Variants in PIK3CA observed in about 807,000 individuals in gnomAD.
PIK3CA encodes the protein phosphatidylinositol-4,5-bisphosphate 3-kinase catalytic subunit alpha.
A neutral mutation model predicts 138.2 loss-of-function variants in PIK3CA; 27 were observed. That is an observed-to-expected ratio of 0.20 (90% CI 0.14 to 0.27). The LOEUF is 0.27. PIK3CA is among the 10% of genes least tolerant of loss of function. PIK3CA has a pLI of 1.00. For missense variants in PIK3CA, 544 were observed against 1,277.4 expected, an observed-to-expected ratio of 0.43 and a Z score of 8.75; for synonymous variants, 358 against 413.2, an observed-to-expected ratio of 0.87 and a Z score of 1.62.
intron 1 of PIK3CA, among the ~76,000 whole-genome samples, chr3:179,166,225 C>G (rs1279871867): frequency 4.6e-5 from 7 of 152,136 alleles, no homozygotes; most frequent in African/African-American, 1.7e-4. Flanking sequence ...TTTAATTACC[C>G]AGCTTGTAAG....
At chr3:179,223,929 G>A in intron 14 of PIK3CA, 152 bp from the exon 15 acceptor site, 1 of 464,980 alleles carries the variant, frequency 2.2e-6, no homozygotes, top group Admixed American at 3.3e-5. Flanking sequence ...GCTCTGTGTT[G>A]TAGAAACCCT....
intron 9 of PIK3CA, among the ~76,000 whole-genome samples, chr3:179,213,113 A>G (rs1340811125): frequency 6.6e-6 from 1 of 152,150 alleles, no homozygotes; most frequent in Non-Finnish European, 1.5e-5. Flanking sequence ...ATTTGTGGGG[A>G]AAAGGCAAAT....
chr3:179,218,065 C>G (rs1409292538), intron 9 of PIK3CA, 145 bp from the exon 10 acceptor site: 1 of 696,818 alleles, frequency 1.4e-6, no homozygotes, highest in African/African-American at 1.9e-5. Context: ...TAAAGTCTTG[C>G]AATGAAAATA....
In PIK3CA at chr3:179,230,981, C is replaced by T. The variant is rs1054096387; in HGVS notation, c.2936+605C>T. On this transcript the variant is annotated intron_variant, in intron 20 of 20. Transcript: ENST00000263967. This position sits in a 1 kb window ranked among gnomAD's most constrained non-coding sequence, Gnocchi z 5.4. ...TTTTATCCCTCACTGTTCTTCCCAC[C>T]GTCTCCCATCTGAGTCTCTGTAGTC... 4.6e-5 allele frequency among the ~76,000 whole-genome samples: 7 copies of T among 152,130 alleles called. 1 individual carries two copies. The highest frequency in any genetic ancestry group is 6.8e-3 in the Middle Eastern group (2 of 294).
chr3:179,191,153 A>G (rs889975350), intron 1 of PIK3CA, among the ~76,000 whole-genome samples: 4 of 152,234 alleles, frequency 2.6e-5, no homozygotes, highest in Non-Finnish European at 4.4e-5. Flanking sequence ...AGGAGAGAAG[A>G]TGAAGAGACA....
chr3:179,149,557 C>T (rs1428791734), intron 1 of PIK3CA: 2 of 152,178 alleles, frequency 1.3e-5, no homozygotes, highest in African/African-American at 2.4e-5. Context: ...TTCTAGAAAA[C>T]AGTCTGCATA....
rs1452535158 is a variant in PIK3CA, at chr3:179,239,662, G to A, written c.*5298G>A. On this transcript the variant is annotated 3_prime_UTR_variant, in exon 21 of 21. Coordinates refer to ENST00000263967, the MANE Select transcript of PIK3CA (RefSeq NM_006218.4). ...GGAGCATAACATTTTAATACCTTGGGGAATGTGGCACTACCAAAAGAAGAC... is the reference window on the plus strand; with the variant it reads ...GGAGCATAACATTTTAATACCTTGGAGAATGTGGCACTACCAAAAGAAGAC... 10 of 277,386 alleles carry A rather than the reference G, an allele frequency of 3.6e-5. No individual in the cohort carries two copies. Among genetic ancestry groups the A allele is most frequent in the Non-Finnish European group, 6.7e-5 (10 of 148,512 alleles). 17.2% of individuals were successfully genotyped at this position (277,386 alleles called of 1,614,324 possible).
intron 16 of PIK3CA, among the ~76,000 whole-genome samples, 170 bp from the exon 17 acceptor site, chr3:179,225,792 A>G (rs2108419164): frequency 6.6e-6 from 1 of 152,274 alleles, no homozygotes; most frequent in East Asian, 1.9e-4. Context: ...GTGGACATAT[A>G]CACTCATTTA....
intron 1 of PIK3CA, among the ~76,000 whole-genome samples, chr3:179,195,161 G>A (rs750595854): frequency 2.6e-5 from 4 of 151,714 alleles, no homozygotes; most frequent in Admixed American, 1.3e-4. Context: ...GAGCCACTCA[G>A]TACTCTTCCA....
At chr3:179,201,257 A>T (rs1400854192) in intron 3 of PIK3CA, 33 bp from the exon 4 acceptor site, 1 of 1,564,832 alleles carries the variant, frequency 6.4e-7, no homozygotes, top group East Asian at 2.3e-5. Context: ...TGAAAGAGAG[A>T]TGGTGATTGC....
intron 1 of PIK3CA, among the ~76,000 whole-genome samples, chr3:179,196,042 G>A (rs1012474390): frequency 6.6e-6 from 1 of 152,144 alleles, no homozygotes; most frequent in Non-Finnish European, 1.5e-5. Context: ...TGAAAAGGGT[G>A]TGTCTTGAGT....
intron 1 of PIK3CA, among the ~76,000 whole-genome samples, chr3:179,163,394 C>G (rs1238732650): frequency 6.6e-6 from 1 of 151,972 alleles, no homozygotes; most frequent in South Asian, 2.1e-4. Context: ...GCAATGTGCC[C>G]CCTCTAGTCC....
chr3:179,214,401 T>A (rs1015649910), intron 9 of PIK3CA, among the ~76,000 whole-genome samples: 2 of 152,120 alleles, frequency 1.3e-5, no homozygotes, highest in Non-Finnish European at 2.9e-5. Context: ...TAGGGAGTCC[T>A]GAGAGGAGGA....
intron 1 of PIK3CA, among the ~76,000 whole-genome samples, chr3:179,172,768 T>A (rs1723591683): frequency 6.6e-6 from 1 of 152,176 alleles, no homozygotes; most frequent in South Asian, 2.1e-4. Flanking sequence ...GTACACTATG[T>A]TCAGTGCAGT....
intron 1 of PIK3CA, among the ~76,000 whole-genome samples, chr3:179,155,586 A>G (rs1351048883): frequency 6.6e-6 from 1 of 152,284 alleles, no homozygotes; most frequent in South Asian, 2.1e-4. Flanking sequence ...TTTACATAAC[A>G]TTTACATTGT....
chr3:179,173,962 A>AGAG (rs1484618081), intron 1 of PIK3CA, among the ~76,000 whole-genome samples: 1 of 151,678 alleles, frequency 6.6e-6, no homozygotes, highest in East Asian at 2.0e-4. Context: ...TCCTGACCTC[A>AGAG]GGTGATCCAC....
intron 1 of PIK3CA, among the ~76,000 whole-genome samples, chr3:179,157,728 C>T (rs932298955): frequency 4.6e-5 from 7 of 151,970 alleles, no homozygotes; most frequent in African/African-American, 1.7e-4. Flanking sequence ...AAAATATGGT[C>T]GATGTACTTA....
chr3:179,229,546 A>ACTTT (rs1725165313), intron 18 of PIK3CA, 104 bp downstream of exon 18: 1 of 733,038 alleles, frequency 1.4e-6, no homozygotes, highest in African/African-American at 1.8e-5. Flanking sequence ...AAACAATTGT[A>ACTTT]CTTTCTATGG....
At chr3:179,213,023 T>C (rs1326773028) in intron 9 of PIK3CA, among the ~76,000 whole-genome samples, 1 of 152,120 alleles carries the variant, frequency 6.6e-6, no homozygotes, top group East Asian at 1.9e-4. Context: ...TCCCCTATAT[T>C]GTCCAAGGGT....
Sources: allele counts gnomAD v4.1 joint callset (sites outside exome capture counted in the v4.1 genomes callset), GRCh38; gene constraint gnomAD v4.1.1; non-coding constraint Gnocchi (gnomAD v3.1); transcripts MANE v1.5; gene names NCBI Gene and HGNC (gene_info 2026-07-23, HGNC 2026-07-21).